Variants in RPL5 observed in about 807,000 individuals in gnomAD.
RPL5 encodes large ribosomal subunit protein uL18.
Under a neutral mutation model 38.4 loss-of-function variants are expected in RPL5, and 1 was observed. The observed-to-expected ratio is 0.03, with a 90% CI of 0.01 to 0.12. The LOEUF (loss-of-function observed/expected upper bound fraction) is 0.12, where lower values mean the gene tolerates loss of function less well. RPL5 is among the 10% of genes least tolerant of loss of function. RPL5 has a pLI of 1.00. For synonymous variants in RPL5, 109 were observed against 121.2 expected (o/e 0.90, Z 0.66); for missense variants, 243 against 374.1 (o/e 0.65, Z 2.89).
intron 6 of RPL5, chr1:92,837,837 G>A (rs1687187809): frequency 5.1e-6 from 3 of 583,250 alleles, no homozygotes; most frequent in South Asian, 2.0e-5. Flanking sequence ...TTTATGCTTT[G>A]GCTGTTCTGT....
chr1:92,837,655 G>A, intron 6 of RPL5, 22 bp downstream of exon 6: 1 of 1,598,038 alleles, frequency 6.3e-7, no homozygotes, highest in South Asian at 1.1e-5. Context: ...ACCTAAAAAT[G>A]CCTATATTGG....
At chr1:92,839,031 CTTTTTTTTTT>C (rs35078348) in intron 6 of RPL5, among the ~76,000 whole-genome samples, 1 of 118,308 alleles carries the variant, frequency 8.5e-6, no homozygotes. Context: ...AGAGTTGCAG[CTTTTTTTTTT>C]TTTTTTTTTC....
At chr1:92,836,437 C>T (rs1687130865) in intron 5 of RPL5, 45 bp downstream of exon 5, 1 of 1,559,132 alleles carries the variant, frequency 6.4e-7, no homozygotes, top group African/African-American at 1.4e-5. Flanking sequence ...CGTGGTACTT[C>T]CCTGTTTTTA....
intron 7 of RPL5, 31 bp downstream of exon 7, chr1:92,840,670 A>G (rs1687321284): frequency 8.4e-6 from 13 of 1,551,306 alleles, no homozygotes; most frequent in Non-Finnish European, 1.1e-5. Context: ...TCTTTTCAAG[A>G]AAACAGGTTG....
At chr1:92,832,997 T>TG (rs776946966) in intron 1 of RPL5, 512 of 737,418 alleles carry the variant, frequency 6.9e-4, no homozygotes, top group Non-Finnish European at 1.1e-3. Flanking sequence ...TCTGGAGCAG[T>TG]GCTTCGCAAA....
At chr1:92,837,122 C>G (rs1687161083) in intron 5 of RPL5, 2 of 400,034 alleles carry the variant, frequency 5.0e-6, no homozygotes, top group Non-Finnish European at 9.6e-6. Context: ...TCACTTATTC[C>G]CATGTACCCA....
chr1:92,836,333 C>T lies in RPL5; in HGVS notation c.468C>T (p.Gly156=), dbSNP rs913836289. ...LDAGLARTTT[G]NKVFGALKGA... ...CAGGCCTTGCCAGAACTACCACTGG[C>T]AATAAAGTTTTTGGTGCCCTGAAGG... Residue 156 remains glycine, a synonymous_variant, in exon 5 of 8, where the codon GGC becomes GGT. Transcript: ENST00000370321. The T allele has an allele frequency of 1.1e-5, 18 of 1,614,010 alleles. No individual in the cohort carries two copies. The highest frequency in any genetic ancestry group is 1.5e-5 in the Non-Finnish European group (18 of 1,180,032).
chr1:92,840,639 G>C lies in RPL5; in HGVS notation c.794G>C (p.Arg265Thr), dbSNP rs1687318607. The C allele has an allele frequency of 6.2e-7, 1 of 1,605,306 alleles. No homozygotes were observed. Among genetic ancestry groups the C allele is most frequent in the Admixed American group, 1.7e-5 (1 of 59,956 alleles). The change falls in exon 7 of 8, where the codon AGG (arginine) becomes ACG (threonine). Residue 265 changes from arginine (R) to threonine (T), a missense_variant and splice_region_variant. Arg to Thr is a moderately conservative substitution (Grantham distance 71). Transcript: ENST00000370321. ...KKPKKEVKKK[R>T]WNRPKMSLAQ... is the part of the protein sequence containing the mutation. The stretch of plus-strand genomic sequence containing the variant: ...CCCAAGAAAGAAGTTAAAAAGAAGA[G>C]GTATGTCGTCTTTTTTTTTGTCTTT...
In RPL5 at chr1:92,836,399, A is replaced by T; in HGVS notation, c.527+7A>T. On this transcript the variant is annotated splice_region_variant and intron_variant, in intron 5 of 7. Coordinates refer to ENST00000370321, the MANE Select transcript of RPL5 (RefSeq NM_000969.5). ...GCTTGTCTATCCCTCACAGGTAAGA[A>T]TACTATTTAAGACCTTGGTGCCTGG... 6.2e-6 allele frequency: 10 copies of T among 1,613,572 alleles called. No individual in the cohort carries two copies. The highest frequency in any genetic ancestry group is 8.5e-6 in the Non-Finnish European group (10 of 1,179,464).
intron 6 of RPL5, among the ~76,000 whole-genome samples, chr1:92,838,228 T>C (rs1311563718): frequency 6.6e-6 from 1 of 152,254 alleles, no homozygotes; most frequent in Non-Finnish European, 1.5e-5. Flanking sequence ...CTGTTATTTC[T>C]ATGCTTTGGA....
At chr1:92,837,685 T>A (rs1553122284) in intron 6 of RPL5, 52 bp downstream of exon 6, 7 of 1,497,596 alleles carry the variant, frequency 4.7e-6, no homozygotes, top group Non-Finnish European at 6.5e-6. Flanking sequence ...GGAAATAGGT[T>A]TATTACTTGT....
intron 6 of RPL5, 188 bp downstream of exon 6, chr1:92,837,821 C>T (rs902636631): frequency 1.6e-6 from 1 of 607,776 alleles, no homozygotes; most frequent in Non-Finnish European, 2.9e-6. Flanking sequence ...GAAGATTTGG[C>T]TACCTTTTAT....
chr1:92,838,963 T>G (rs1687229911), intron 6 of RPL5, among the ~76,000 whole-genome samples: 1 of 152,036 alleles, frequency 6.6e-6, no homozygotes, highest in Non-Finnish European at 1.5e-5. Context: ...TGAATAATTT[T>G]AGAGACCTGG....
chr1:92,840,061 C>T (rs1485095381), intron 6 of RPL5, among the ~76,000 whole-genome samples: 1 of 149,538 alleles, frequency 6.7e-6, no homozygotes, highest in African/African-American at 2.5e-5. Context: ...ATTCTGTCAT[C>T]TAGGCTGGGG....
chr1:92,834,746 C>T (rs375683572), intron 3 of RPL5, 33 bp from the exon 4 acceptor site: 47 of 1,611,492 alleles, frequency 2.9e-5, no homozygotes, highest in Non-Finnish European at 3.6e-5. Context: ...GTGAAAGCAA[C>T]AGATTACTAA....
rs143998608 is a variant in RPL5, at chr1:92,833,115, G to C, written c.4-274G>C. On this transcript the variant is annotated intron_variant, in intron 1 of 7. Transcript: ENST00000370321. ...AACAATAATTTTATACCTGTTAAATGTAATAAATTGGGGCCTGCATTTTGT... is the reference window on the plus strand; with the variant it reads ...AACAATAATTTTATACCTGTTAAATCTAATAAATTGGGGCCTGCATTTTGT... 3.1e-3 allele frequency: 2,131 copies of C among 690,034 alleles called. 28 individuals are homozygous for C. Among genetic ancestry groups the C allele is most frequent in the African/African-American group, 0.03 (1,696 of 56,356 alleles). 42.7% of individuals were successfully genotyped at this position (690,034 alleles called of 1,614,324 possible).
chr1:92,841,555 C>T (rs1416281493), intron 7 of RPL5, among the ~76,000 whole-genome samples: 1 of 152,048 alleles, frequency 6.6e-6, no homozygotes, highest in African/African-American at 2.4e-5. Flanking sequence ...ACTTTTGGCC[C>T]TATGGTAGTA....
At chr1:92,838,220 GTTAT>G in intron 6 of RPL5, among the ~76,000 whole-genome samples, 1 of 152,306 alleles carries the variant, frequency 6.6e-6, no homozygotes, top group East Asian at 1.9e-4. Flanking sequence ...ACCACTTTCT[GTTAT>G]TTCTATGCTT....
rs777933769 is a variant in RPL5 at position 92,834,908 on chromosome 1, C to T, written c.319C>T (p.Arg107Cys). 20 of 1,600,922 alleles carry T rather than the reference C, an allele frequency of 1.2e-5. No homozygotes were observed. The highest frequency in any genetic ancestry group is 1.4e-5 in the Non-Finnish European group (16 of 1,179,986). Residue 107 changes from arginine to cysteine, a missense_variant, in exon 4 of 8, where the codon CGC (arginine) becomes TGC (cysteine). Arg to Cys is a radical substitution (Grantham distance 180). Coordinates refer to ENST00000370321, the MANE Select transcript of RPL5 (RefSeq NM_000969.5). Reference sequence around the variant, plus strand: ...ATATTGTACTGGCCTGCTGCTGGCCCGCAGGGTATGTACAAGATGATTTTA... The same window carrying T: ...ATATTGTACTGGCCTGCTGCTGGCCTGCAGGGTATGTACAAGATGATTTTA... ...AAYCTGLLLA[R>C]RLLNRFGMDK...
Sources: gnomAD v4.1 joint callset for allele counts (sites outside exome capture counted in the v4.1 genomes callset) on GRCh38, gnomAD v4.1.1 for gene constraint, MANE v1.5 for transcripts, NCBI Gene and HGNC (gene_info 2026-07-23, HGNC 2026-07-21) for gene names.